The following GET1 variants were observed in gnomAD, a reference collection of about 807,000 sequenced individuals.
GET1 encodes congenital heart disease 5 protein.
Under a neutral mutation model 22.6 loss-of-function variants are expected in GET1, and 20 were observed. That is an observed-to-expected ratio of 0.89 (90% CI 0.62 to 1.29). GET1 has a LOEUF of 1.29. GET1 is among the 50% of genes most tolerant of loss of function. The probability of loss-of-function intolerance (pLI) is 0.00; values close to 1 mark genes in which losing one functional copy is unlikely to be tolerated. For missense variants in GET1, 209 were observed against 219.9 expected, an observed-to-expected ratio of 0.95 and a Z score of 0.31; for synonymous variants, 92 against 83.8, an observed-to-expected ratio of 1.10 and a Z score of -0.53.
intron 1 of GET1, among the ~76,000 whole-genome samples, chr21:39,417,659 C>T (rs1228277243): frequency 6.6e-6 from 1 of 152,216 alleles, no homozygotes; most frequent in Non-Finnish European, 1.5e-5. Context: ...GGAGGCCTCA[C>T]AATCATGGTT....
intron 1 of GET1, among the ~76,000 whole-genome samples, chr21:39,423,778 G>C (rs1461768235): frequency 2.6e-5 from 4 of 152,164 alleles, no homozygotes; most frequent in Non-Finnish European, 4.4e-5. Context: ...TAGCCACGAA[G>C]TGACACAGAA....
chr21:39,422,187 C>G (rs1030233275), intron 1 of GET1: 3 of 152,232 alleles, frequency 2.0e-5, no homozygotes, highest in Non-Finnish European at 4.4e-5. Flanking sequence ...TATTTACTTA[C>G]TTCAAGATCA....
downstream of GET1, among the ~76,000 whole-genome samples, chr21:39,401,773 TCATAA>T (rs1317822000): frequency 2.0e-5 from 3 of 152,216 alleles, no homozygotes; most frequent in Admixed American, 6.5e-5. Context: ...TTGGTAGTTC[TCATAA>T]CATCTCATAT....
intron 3 of GET1, 86 bp downstream of exon 3, chr21:39,391,922 T>G: frequency 7.5e-7 from 1 of 1,332,058 alleles, no homozygotes; most frequent in East Asian, 2.3e-5. Context: ...GGCTGGGAGT[T>G]CGGGCTGTTC....
intron 1 of GET1, among the ~76,000 whole-genome samples, chr21:39,383,039 C>T (rs1469393087): frequency 2.0e-5 from 3 of 151,914 alleles, no homozygotes; most frequent in Admixed American, 1.3e-4. Context: ...CAAGCTCCGC[C>T]TCCCGGGTTC....
At chr21:39,421,047 A>G (rs1356563173) in intron 1 of GET1, among the ~76,000 whole-genome samples, 1 of 151,884 alleles carries the variant, frequency 6.6e-6, no homozygotes, top group Non-Finnish European at 1.5e-5. Context: ...GAGAACAAAT[A>G]TCACACGTTT....
At chr21:39,393,606 TATGGTTG>T (rs571015687) in intron 4 of GET1, among the ~76,000 whole-genome samples, 3 of 152,150 alleles carry the variant, frequency 2.0e-5, no homozygotes, top group Non-Finnish European at 4.4e-5. Flanking sequence ...CAATCCCTAT[TATGGTTG>T]GCTTCTCTGT....
chr21:39,409,018 T>C (rs1026927842), downstream of GET1, among the ~76,000 whole-genome samples: 31 of 152,178 alleles, frequency 2.0e-4, no homozygotes, highest in Non-Finnish European at 2.8e-4. This position sits in a 1 kb window ranked among gnomAD's most constrained non-coding sequence, Gnocchi z 4.2. Flanking sequence ...CCAAATTTCA[T>C]ATGTTGAAGC....
Position 39,390,684 on chromosome 21 carries a change from G to A in GET1, c.103-14G>A, listed in dbSNP as rs1398725948. 1 of 1,613,760 alleles carries A rather than the reference G, an allele frequency of 6.2e-7. No individual in the cohort carries two copies. Among genetic ancestry groups the A allele is most frequent in the Non-Finnish European group, 8.5e-7 (1 of 1,179,902 alleles). ...GTGTTGGAAGGTGCTGATCCCCGTTGTCCGCCCTGCCAGATGTCCAGGGTG... is the reference window on the plus strand; with the variant it reads ...GTGTTGGAAGGTGCTGATCCCCGTTATCCGCCCTGCCAGATGTCCAGGGTG... On this transcript the variant is annotated splice_polypyrimidine_tract_variant and intron_variant, in intron 1 of 4. Coordinates refer to ENST00000649170, the MANE Select transcript of GET1 (RefSeq NM_004627.6).
At chr21:39,396,463 G>C (rs1021753270) in intron 4 of GET1, among the ~76,000 whole-genome samples, 3 of 151,998 alleles carry the variant, frequency 2.0e-5, no homozygotes, top group Non-Finnish European at 2.9e-5. Context: ...GGGAGGTAGA[G>C]CTTGCAGTGA....
At chr21:39,418,253 G>C (rs914443898) in intron 1 of GET1, among the ~76,000 whole-genome samples, 1 of 152,114 alleles carries the variant, frequency 6.6e-6, no homozygotes, top group Non-Finnish European at 1.5e-5. Flanking sequence ...CCATATCAAG[G>C]ATATTACAGT....
chr21:39,398,763 G>A (rs1238438425), downstream of GET1, among the ~76,000 whole-genome samples: 3 of 152,026 alleles, frequency 2.0e-5, no homozygotes, highest in East Asian at 1.9e-4. Context: ...ACAGGCGCCC[G>A]CCGTCACGCC....
At position 39,391,834 on chromosome 21, in the gene GET1, C is replaced by T; in HGVS notation, c.334C>T (p.Gln112Ter). 3.1e-6 allele frequency: 5 copies of T among 1,614,060 alleles called. No individual in the cohort carries two copies. Among genetic ancestry groups the T allele is most frequent in the Non-Finnish European group, 4.2e-6 (5 of 1,179,962 alleles). The part of the protein sequence containing the change: ...WVISVAFYVL[Q>*]AALMISLIWK... ...GATAAGTGTCGCTTTCTACGTATTGCAGGTAAGTGTGCTAGAGCGTCAGCC... is the reference window on the plus strand; with the variant it reads ...GATAAGTGTCGCTTTCTACGTATTGTAGGTAAGTGTGCTAGAGCGTCAGCC... Residue 112 changes from glutamine (Q) to a stop codon, truncating the protein, a stop_gained and splice_region_variant, in exon 3 of 5, where the codon CAG becomes TAG. Transcript: ENST00000649170. LOFTEE classifies it high-confidence loss of function.
chr21:39,397,921 T>TACATA (rs1471453553), downstream of GET1: 2 of 152,218 alleles, frequency 1.3e-5, no homozygotes, highest in Non-Finnish European at 2.9e-5. Context: ...TACTCTTTTG[T>TACATA]TTCCTAATGA....
At chr21:39,391,490 G>C in intron 2 of GET1, 1 of 388,822 alleles carries the variant, frequency 2.6e-6, no homozygotes, top group Non-Finnish European at 4.7e-6. Flanking sequence ...AGTGGTAACT[G>C]TATTATACAA....
intron 1 of GET1, chr21:39,387,687 A>ACC (rs2037999444): frequency 2.0e-5 from 2 of 100,920 alleles, no homozygotes; most frequent in African/African-American, 1.0e-4. Flanking sequence ...CCTACTCCCC[A>ACC]CACTCCCCCC....
intron 1 of GET1, chr21:39,380,928 AGGGTGGG>A: frequency 4.0e-5 from 5 of 124,574 alleles, no homozygotes; most frequent in Non-Finnish European, 5.9e-5. Context: ...TGGGGTGGGT[AGGGTGGG>A]AGACAGGTGT....
intron 1 of GET1, among the ~76,000 whole-genome samples, chr21:39,414,774 GTGTGTC>G (rs1357072065): frequency 6.6e-6 from 1 of 151,358 alleles, no homozygotes; most frequent in East Asian, 1.9e-4. Context: ...GTGTGTGTGT[GTGTGTC>G]TGTGCATATT....
chr21:39,413,454 C>T (rs1182834470), intron 1 of GET1, among the ~76,000 whole-genome samples: 1 of 152,136 alleles, frequency 6.6e-6, no homozygotes, highest in Non-Finnish European at 1.5e-5. Flanking sequence ...GGAAGTATGG[C>T]TTAGTTACAG....
Sources: gnomAD v4.1 joint callset for allele counts (sites outside exome capture counted in the v4.1 genomes callset) on GRCh38, gnomAD v4.1.1 for gene constraint, Gnocchi (gnomAD v3.1) non-coding constraint, MANE v1.5 for transcripts, NCBI Gene and HGNC (gene_info 2026-07-23, HGNC 2026-07-21) for gene names.